The following RBFOX1 variants were observed in gnomAD, a reference collection of about 807,000 sequenced individuals.
The protein encoded by RBFOX1 is RNA binding fox-1 homolog 1, also known as RNA binding protein fox-1 homolog 1.
A neutral mutation model predicts 57.7 loss-of-function variants in RBFOX1; 8 were observed. That is an observed-to-expected ratio of 0.14 (90% confidence interval 0.08 to 0.25). The LOEUF is 0.25. Among genes scored for constraint, RBFOX1 ranks in the 10% least tolerant of loss-of-function variants. The pLI, the probability that RBFOX1 is intolerant of heterozygous loss-of-function variation, is 1.00. For synonymous variants in RBFOX1, 326 were observed against 222.4 expected (o/e 1.47, Z -4.15); for missense variants, 611 against 548.5 (o/e 1.11, Z -1.14).
intron 3 of RBFOX1, among the ~76,000 whole-genome samples, chr16:5,745,465 G>A (rs1427439799): frequency 6.6e-6 from 1 of 152,144 alleles, no homozygotes; most frequent in Non-Finnish European, 1.5e-5. Context: ...CCCAGTGATG[G>A]GATTGCTGGG....
chr16:6,207,529 G>C (rs985602027), intron 1 of RBFOX1, among the ~76,000 whole-genome samples: 1 of 152,028 alleles, frequency 6.6e-6, no homozygotes, highest in Non-Finnish European at 1.5e-5. Flanking sequence ...AAGAAGAAGA[G>C]ATTCAAGGAG....
chr16:7,201,442 C>T (rs2346604), intron 4 of RBFOX1, among the ~76,000 whole-genome samples: 146,253 of 151,202 alleles, frequency 0.97, 70,818 homozygotes, highest in East Asian at 1. Flanking sequence ...GAGAATGCCA[C>T]GATCTGATTC....
chr16:7,180,542 T>C (rs1258590619), intron 4 of RBFOX1, among the ~76,000 whole-genome samples: 4 of 152,150 alleles, frequency 2.6e-5, no homozygotes, highest in Non-Finnish European at 4.4e-5. Context: ...GGTAGTGCTT[T>C]ATGGGCTGAT....
At chr16:7,097,081 C>T (rs1336540323) in intron 4 of RBFOX1, among the ~76,000 whole-genome samples, 3 of 152,002 alleles carry the variant, frequency 2.0e-5, no homozygotes, top group East Asian at 1.9e-4. Flanking sequence ...TGATCATTTG[C>T]AAGGAGATCT....
At chr16:6,080,819 A>G (rs1343394301) in intron 1 of RBFOX1, among the ~76,000 whole-genome samples, 6 of 152,164 alleles carry the variant, frequency 3.9e-5, no homozygotes, top group Non-Finnish European at 7.3e-5. Flanking sequence ...CTGGTGCCAC[A>G]TTTTCAGTGC....
At chr16:6,038,781 G>A (rs1220382939) in intron 1 of RBFOX1, 2 of 147,774 alleles carry the variant, frequency 1.4e-5, no homozygotes, top group Non-Finnish European at 1.5e-5. Context: ...AAGCTAAGTG[G>A]AATTATTTAC....
intron 3 of RBFOX1, among the ~76,000 whole-genome samples, chr16:6,773,072 T>C (rs769587659): frequency 9.1e-5 from 13 of 143,292 alleles, no homozygotes; most frequent in African/African-American, 3.2e-4. Flanking sequence ...TGCATTTGTG[T>C]GTGTATATGT....
chr16:6,828,552 A>G (rs773203935), intron 3 of RBFOX1, among the ~76,000 whole-genome samples: 4 of 151,930 alleles, frequency 2.6e-5, no homozygotes, highest in Non-Finnish European at 5.9e-5. Context: ...TAGCAGTTTC[A>G]TATGACTAGA....
intron 4 of RBFOX1, among the ~76,000 whole-genome samples, chr16:7,331,592 A>C (rs2096696553): frequency 6.6e-6 from 1 of 152,194 alleles, no homozygotes; most frequent in South Asian, 2.1e-4. Context: ...ATACATGATA[A>C]AAGTGGCTAA....
chr16:7,333,068 T>A (rs1164311252), intron 4 of RBFOX1: 1 of 1,613,836 alleles, frequency 6.2e-7, no homozygotes, highest in Non-Finnish European at 8.5e-7. Flanking sequence ...GGCAGCTCCT[T>A]ACCTTCCTGG....
chr16:5,955,346 TAAAATAAATA>T lies in RBFOX1; in HGVS notation c.351+88020_351+88029del, dbSNP rs2059611460. Among the ~76,000 whole-genome samples the T allele has an allele frequency of 1.8e-3, 48 of 27,314 alleles. 1 individual carries two copies. Among genetic ancestry groups the T allele is most frequent in the Admixed American group, 4.9e-3 (9 of 1,854 alleles). 17.9% of individuals were successfully genotyped at this position (27,314 alleles called of 152,430 possible). A position where few individuals can be genotyped will look rare whatever the true frequency, so the allele number is the denominator to read the frequency against. The stretch of plus-strand genomic sequence containing the variant: ...TAAAATAAAATAAAATAAAATAAAA[TAAAATAAATA>T]AAAATAAAATAAAATAAAATAAAAT... On this transcript the variant is annotated intron_variant, in intron 4 of 19. Coordinates refer to the RBFOX1 transcript ENST00000641259.
intron 1 of RBFOX1, among the ~76,000 whole-genome samples, chr16:6,238,103 AAAAAAAAAG>A (rs1453682476): frequency 6.6e-6 from 1 of 151,392 alleles, no homozygotes; most frequent in Non-Finnish European, 1.5e-5. Flanking sequence ...AAAAAAAAAA[AAAAAAAAAG>A]AAAGAAAAGC....
At chr16:6,983,444 C>G (rs149890396) in intron 3 of RBFOX1, among the ~76,000 whole-genome samples, 15 of 144,664 alleles carry the variant, frequency 1.0e-4, no homozygotes, top group African/African-American at 3.6e-4. Context: ...CGCCGACTTG[C>G]TGGCTTTTTT....
chr16:7,192,820 A>C (rs2085756218), intron 4 of RBFOX1, among the ~76,000 whole-genome samples: 1 of 152,212 alleles, frequency 6.6e-6, no homozygotes, highest in Non-Finnish European at 1.5e-5. Flanking sequence ...AAAAAGTAAA[A>C]TTGGAACATA....
At chr16:6,964,416 C>T (rs1013996359) in intron 3 of RBFOX1, among the ~76,000 whole-genome samples, 2 of 152,146 alleles carry the variant, frequency 1.3e-5, no homozygotes, top group African/African-American at 4.8e-5. Flanking sequence ...CAATATACAA[C>T]ATCAACTGTG....
chr16:5,638,713 C>A (rs1281305198), intron 3 of RBFOX1, among the ~76,000 whole-genome samples: 1 of 152,146 alleles, frequency 6.6e-6, no homozygotes, highest in Non-Finnish European at 1.5e-5. Context: ...CCCTGTCTGT[C>A]CCCACAGACA....
chr16:7,458,008 C>T (rs532455888), intron 4 of RBFOX1, among the ~76,000 whole-genome samples: 1 of 152,222 alleles, frequency 6.6e-6, no homozygotes, highest in African/African-American at 2.4e-5. Flanking sequence ...CTGGTGCCTG[C>T]TTGGTTGGTA....
intron 1 of RBFOX1, among the ~76,000 whole-genome samples, chr16:6,026,248 A>T (rs2152374736): frequency 6.6e-6 from 1 of 152,370 alleles, no homozygotes; most frequent in Non-Finnish European, 1.5e-5. Flanking sequence ...CTGTTTGGAC[A>T]TCACTGTCTC....
chr16:7,029,982 G>A (rs1486421672), intron 3 of RBFOX1, among the ~76,000 whole-genome samples: 1 of 152,176 alleles, frequency 6.6e-6, no homozygotes, highest in Non-Finnish European at 1.5e-5. Context: ...CAGTCAACAA[G>A]GACACACTTT....
Sources: allele counts gnomAD v4.1 joint callset (sites outside exome capture counted in the v4.1 genomes callset), GRCh38; gene constraint gnomAD v4.1.1; transcripts MANE v1.5; gene names NCBI Gene and HGNC (gene_info 2026-07-23, HGNC 2026-07-21).